Variants in UHRF2 observed in about 807,000 individuals in gnomAD.
UHRF2 encodes ubiquitin like with PHD and ring finger domains 2, also known as E3 ubiquitin-protein ligase UHRF2.
UHRF2 carries 23 observed loss-of-function variants against 96.8 expected under a neutral mutation model. That is an observed-to-expected ratio of 0.24 (90% CI 0.17 to 0.34). UHRF2 has a LOEUF of 0.34. UHRF2 is among the 10% of genes least tolerant of loss of function. UHRF2 has a pLI of 1.00. For synonymous variants in UHRF2, 385 were observed against 332.6 expected (o/e 1.16, Z -1.72); for missense variants, 685 against 981.5 (o/e 0.70, Z 4.04).
chr9:6,438,892 C>G (rs763713912), intron 3 of UHRF2, among the ~76,000 whole-genome samples: 31 of 152,068 alleles, frequency 2.0e-4, no homozygotes, highest in Admixed American at 4.6e-4. Context: ...AATCTTTAGT[C>G]TATGAGGAAT....
At chr9:6,457,156 A>G (rs1822232752) in intron 3 of UHRF2, among the ~76,000 whole-genome samples, 1 of 152,088 alleles carries the variant, frequency 6.6e-6, no homozygotes, top group South Asian at 2.1e-4. Context: ...ATGTTGTTCC[A>G]TTTGTTTGTG....
At chr9:6,493,213 G>T (rs1287304186) in intron 9 of UHRF2, among the ~76,000 whole-genome samples, 1 of 151,948 alleles carries the variant, frequency 6.6e-6, no homozygotes, top group Admixed American at 6.6e-5. Flanking sequence ...CAGGAGAATC[G>T]ATTGAACCTG....
chr9:6,481,700 C>G lies in UHRF2; in HGVS notation c.1218C>G (p.Leu406=), dbSNP rs757961302. ...SSEVVKAGER[L]KMSKKKAKMP... ...AAGTTGTAAAGGCTGGTGAAAGACT[C>G]AAGATGAGTAAAAAGAAAGCAAAGA... Residue 406 remains leucine, a synonymous_variant, in exon 7 of 16, where the codon CTC becomes CTG. Coordinates refer to ENST00000276893, the MANE Select transcript of UHRF2 (RefSeq NM_152896.3). The G allele has an allele frequency of 4.3e-6, 7 of 1,613,692 alleles. No homozygotes were observed.
At position 6,475,378 on chromosome 9, in the gene UHRF2, CT is replaced by C; in HGVS notation, c.864-7del. ...TGCTGGCAGAAGTTAACCTTTCTTC[CT>C]TTTTTAAACAGGGGTTCTGAAGGAA... On this transcript the variant is annotated splice_polypyrimidine_tract_variant and intron_variant, in intron 4 of 15. Coordinates refer to ENST00000276893, the MANE Select transcript of UHRF2 (RefSeq NM_152896.3). 4 of 1,486,040 alleles carry C rather than the reference CT, an allele frequency of 2.7e-6. No individual in the cohort carries two copies. In the South Asian group the frequency reaches 4.5e-5, roughly 17 times the overall value. The allele number at this position is 1,486,040 out of a possible 1,614,324, so 92.1% of individuals were successfully genotyped here. A position where few individuals can be genotyped will look rare whatever the true frequency, so the allele number is the denominator to read the frequency against.
chr9:6,486,743 G>T, intron 8 of UHRF2, 78 bp from the exon 9 acceptor site: 2 of 1,407,886 alleles, frequency 1.4e-6, no homozygotes, highest in South Asian at 1.3e-5. Flanking sequence ...TAGGTACCAA[G>T]AATATATATG....
At position 6,434,066 on chromosome 9, in the gene UHRF2, G is replaced by C. The variant is rs201199717; in HGVS notation, c.537G>C (p.Lys179Asn). The change falls in exon 3 of 16, where the codon AAG (lysine) becomes AAC (asparagine). Residue 179 changes from lysine to asparagine, a missense_variant. This residue lies in a region of UHRF2 where 391 missense variants were observed against 437.0 expected (regional missense o/e 0.89). Transcript: ENST00000276893. ...SSCKRTNGNIKHKSKENTNKL... is the reference protein window; with the variant it reads ...SSCKRTNGNINHKSKENTNKL... Reference sequence around the variant, plus strand: ...GTAAAAGGACTAATGGAAATATAAAGCATAAATCCAAAGAGAACACAAATA... The same window carrying C: ...GTAAAAGGACTAATGGAAATATAAACCATAAATCCAAAGAGAACACAAATA... 1.2e-6 allele frequency: 2 copies of C among 1,614,058 alleles called. No individual in the cohort carries two copies. Among genetic ancestry groups the C allele is most frequent in the African/African-American group, 1.3e-5 (1 of 75,024 alleles).
chr9:6,455,488 A>G (rs1031347476), intron 3 of UHRF2, among the ~76,000 whole-genome samples: 11 of 152,208 alleles, frequency 7.2e-5, no homozygotes, highest in African/African-American at 2.7e-4. Flanking sequence ...TTATGGCTGC[A>G]TAATATTCCA....
Position 6,466,399 on chromosome 9 carries a change from G to T in UHRF2, c.863+5608G>T, listed in dbSNP as rs1375369516. Among the ~76,000 whole-genome samples the T allele has an allele frequency of 4.6e-5, 7 of 152,058 alleles. No individual in the cohort carries two copies. In the East Asian group the frequency reaches 1.3e-3, roughly 29 times the overall value. On this transcript the variant is annotated intron_variant, in intron 4 of 15. Coordinates refer to ENST00000276893, the MANE Select transcript of UHRF2 (RefSeq NM_152896.3). ...CTAAAAATATAAAAATGTTAGCTGG[G>T]CATGCTGGTGCACGCCTGTAATTCC...
chr9:6,445,981 CTT>C lies in UHRF2; in HGVS notation c.644+11826_644+11827del, dbSNP rs57147850. Among the ~76,000 whole-genome samples the C allele has an allele frequency of 2.9e-4, 23 of 78,898 alleles. 1 individual carries two copies. Among genetic ancestry groups the C allele is most frequent in the African/African-American group, 1.1e-3 (21 of 19,054 alleles). 51.8% of individuals were successfully genotyped at this position (78,898 alleles called of 152,430 possible). A position where few individuals can be genotyped will look rare whatever the true frequency, so the allele number is the denominator to read the frequency against. ...TAAATACTCTTCCCCCCCCGCCACC[CTT>C]TTTTTTTTTTTTTTTTTCCTGTTTT... On this transcript the variant is annotated intron_variant, in intron 3 of 15. Transcript: ENST00000276893.
intron 4 of UHRF2, among the ~76,000 whole-genome samples, chr9:6,473,769 A>G (rs1823391502): frequency 6.6e-6 from 1 of 152,234 alleles, no homozygotes; most frequent in Admixed American, 6.5e-5. Flanking sequence ...CATAGATAAT[A>G]CAAAAATCAG....
At chr9:6,426,418 G>A (rs1820264823) in intron 2 of UHRF2, among the ~76,000 whole-genome samples, 1 of 152,132 alleles carries the variant, frequency 6.6e-6, no homozygotes, top group Non-Finnish European at 1.5e-5. Context: ...GGAGCACATT[G>A]GAATCTAGTA....
intron 4 of UHRF2, among the ~76,000 whole-genome samples, chr9:6,469,059 A>G (rs1034132759): frequency 6.6e-6 from 1 of 152,242 alleles, no homozygotes; most frequent in Non-Finnish European, 1.5e-5. Context: ...GAATAGACCC[A>G]TAGGTGATCT....
intron 3 of UHRF2, among the ~76,000 whole-genome samples, chr9:6,442,184 C>T (rs944495690): frequency 1.4e-4 from 21 of 152,298 alleles, no homozygotes; most frequent in African/African-American, 5.1e-4. Flanking sequence ...AGGCTGGTCT[C>T]AAACTCCTGA....
intron 9 of UHRF2, among the ~76,000 whole-genome samples, chr9:6,489,729 T>G (rs888240156): frequency 8.7e-5 from 6 of 68,750 alleles, no homozygotes; most frequent in African/African-American, 5.3e-4. Flanking sequence ...TGGGTTTTTG[T>G]TTTTTTTTTT....
intron 3 of UHRF2, among the ~76,000 whole-genome samples, chr9:6,450,304 T>C (rs1367481520): frequency 5.6e-4 from 66 of 118,214 alleles, no homozygotes; most frequent in African/African-American, 6.2e-4. Flanking sequence ...TTCTTCCCCT[T>C]CCCCCCCCCC....
chr9:6,457,974 T>C (rs1054298843), intron 3 of UHRF2, among the ~76,000 whole-genome samples: 11 of 152,198 alleles, frequency 7.2e-5, no homozygotes, highest in African/African-American at 2.7e-4. Flanking sequence ...TTTTCTTTTT[T>C]TGTTGTGTCT....
At chr9:6,480,637 TA>T (rs1354005933) in intron 6 of UHRF2, among the ~76,000 whole-genome samples, 1 of 152,226 alleles carries the variant, frequency 6.6e-6, no homozygotes, top group East Asian at 1.9e-4. Flanking sequence ...ATACTTGCTT[TA>T]AATCACAGAA....
chr9:6,472,740 T>TA (rs1426492485), intron 4 of UHRF2, among the ~76,000 whole-genome samples: 1 of 152,206 alleles, frequency 6.6e-6, no homozygotes, highest in Non-Finnish European at 1.5e-5. Context: ...GCAAAAAATT[T>TA]AAAGTGTTTT....
intron 3 of UHRF2, among the ~76,000 whole-genome samples, chr9:6,451,629 C>A (rs562371860): frequency 6.6e-6 from 1 of 151,234 alleles, no homozygotes; most frequent in Admixed American, 6.6e-5. Context: ...TACAGGCGCC[C>A]GCCACCACTC....
Sources: gnomAD v4.1 joint callset for allele counts (sites outside exome capture counted in the v4.1 genomes callset) on GRCh38, gnomAD v4.1.1 for gene constraint, gnomAD v4.1.1 regional missense constraint, MANE v1.5 for transcripts, NCBI Gene and HGNC (gene_info 2026-07-23, HGNC 2026-07-21) for gene names.